TCF4: variants seen among roughly 807,000 people sequenced by gnomAD.
TCF4 encodes the protein SL3-3 enhancer factor 2.
A neutral mutation model predicts 82.1 loss-of-function variants in TCF4; 3 were observed. The ratio of observed to expected loss-of-function variants is 0.04; its 90% CI spans 0.02 to 0.09. The LOEUF is 0.09. TCF4 is among the 10% of genes least tolerant of loss of function. The pLI is 1.00. For synonymous variants in TCF4, 276 were observed against 309.6 expected (o/e 0.89, Z 1.14); for missense variants, 518 against 852.7 (o/e 0.61, Z 4.89).
rs1447151923 is a variant in TCF4, at chr18:55,234,651, C to T, written c.1383G>A (p.Leu461=). The T allele has an allele frequency of 9.3e-6, 15 of 1,614,050 alleles. No homozygotes were observed. Among genetic ancestry groups the T allele is most frequent in the African/African-American group, 1.3e-5 (1 of 74,914 alleles). ...TTGGCAGAAGAGAATGGCTGCCTCT[C>T]AGGGCCACGCCATCTTCACGATGGG... ...VGTHREDGVA[L]RGSHSLLPNQ... is the part of the protein sequence containing the mutation. The change falls in exon 16 of 20, where the codon CTG becomes CTA. Residue 461 remains leucine (L), a synonymous_variant. Coordinates refer to ENST00000354452, the MANE Select transcript of TCF4 (RefSeq NM_001083962.2).
rs2046082245 is a variant in TCF4 at position 55,223,093 on chromosome 18, A to C, written c.*4942T>G. The C allele has an allele frequency of 6.6e-6, 1 of 152,242 alleles. No individual in the cohort carries two copies. The highest frequency in any genetic ancestry group is 1.5e-5 in the Non-Finnish European group (1 of 68,040). The allele number at this position is 152,242 out of a possible 1,614,324, so 9.4% of individuals were successfully genotyped here. On this transcript the variant is annotated 3_prime_UTR_variant, in exon 20 of 20. Coordinates refer to ENST00000354452, the MANE Select transcript of TCF4 (RefSeq NM_001083962.2). ...CAACTGGTGCAAAAGGTTAAGGCTG[A>C]CTTGACTTAGCAACCTGCAGCACAA...
At chr18:55,350,548 C>T (rs1029707504) in intron 7 of TCF4, 140 bp from the exon 8 acceptor site, 14 of 897,136 alleles carry the variant, frequency 1.6e-5, no homozygotes, top group Admixed American at 8.0e-5. Flanking sequence ...CGATCACATT[C>T]GATTCTAGCA....
intron 5 of TCF4, among the ~76,000 whole-genome samples, chr18:55,457,086 T>C (rs1349404864): frequency 1.3e-5 from 2 of 152,234 alleles, no homozygotes; most frequent in African/African-American, 2.4e-5. Context: ...GGTAAAAGTA[T>C]ATGAATTGGT....
At chr18:55,594,154 T>G (rs1439064126) in intron 2 of TCF4, among the ~76,000 whole-genome samples, 1 of 152,224 alleles carries the variant, frequency 6.6e-6, no homozygotes, top group Admixed American at 6.5e-5. Context: ...TGCTGGTCTC[T>G]TAATTCTTTC....
At chr18:55,355,349 C>T (rs1433856248) in intron 6 of TCF4, among the ~76,000 whole-genome samples, 2 of 152,148 alleles carry the variant, frequency 1.3e-5, no homozygotes, top group Admixed American at 6.6e-5. Context: ...TGCACAGAAT[C>T]GGGTTTTCAA....
chr18:55,330,158 A>T (rs2077264797), intron 8 of TCF4, among the ~76,000 whole-genome samples: 1 of 151,358 alleles, frequency 6.6e-6, no homozygotes, highest in Non-Finnish European at 1.5e-5. Context: ...TGACCTTCAA[A>T]CTTGCCAGCA....
chr18:55,258,478 C>T (rs1268914788), intron 13 of TCF4, among the ~76,000 whole-genome samples: 1 of 152,110 alleles, frequency 6.6e-6, no homozygotes, highest in Non-Finnish European at 1.5e-5. Context: ...CACCATTAAT[C>T]TAGAAATGGA....
intron 5 of TCF4, among the ~76,000 whole-genome samples, chr18:55,426,138 T>C (rs903703480): frequency 2.0e-5 from 3 of 150,886 alleles, no homozygotes; most frequent in Non-Finnish European, 4.4e-5. Flanking sequence ...CACACACATA[T>C]ATTTTCATAC....
At chr18:55,526,232 T>G (rs991870821) in intron 3 of TCF4, among the ~76,000 whole-genome samples, 1 of 152,160 alleles carries the variant, frequency 6.6e-6, no homozygotes, top group African/African-American at 2.4e-5. Flanking sequence ...ACATCACACT[T>G]GCCTATCTAA....
chr18:55,565,463 G>T (rs774873980), intron 3 of TCF4, among the ~76,000 whole-genome samples: 1 of 152,172 alleles, frequency 6.6e-6, no homozygotes, highest in African/African-American at 2.4e-5. Flanking sequence ...ACTGTGATAA[G>T]AAGACTAGGA....
At chr18:55,578,427 G>A (rs1243546365) in intron 3 of TCF4, among the ~76,000 whole-genome samples, 2 of 151,902 alleles carry the variant, frequency 1.3e-5, no homozygotes, top group East Asian at 1.9e-4. Flanking sequence ...TAACCCTCCC[G>A]AACCTTGGCT....
chr18:55,502,088 T>A (rs1007351408), intron 3 of TCF4, among the ~76,000 whole-genome samples: 1 of 152,216 alleles, frequency 6.6e-6, no homozygotes, highest in African/African-American at 2.4e-5. Flanking sequence ...CTAACCAAGG[T>A]AGATATACTA....
At chr18:55,287,036 A>G (rs1424637757) in intron 8 of TCF4, among the ~76,000 whole-genome samples, 1 of 152,202 alleles carries the variant, frequency 6.6e-6, no homozygotes, top group African/African-American at 2.4e-5. Flanking sequence ...ATTCATGGTA[A>G]GAAGAGTTTT....
intron 6 of TCF4, among the ~76,000 whole-genome samples, chr18:55,403,176 G>A (rs973685481): frequency 1.1e-4 from 17 of 152,072 alleles, no homozygotes; most frequent in African/African-American, 3.4e-4. Flanking sequence ...CACTTTCACC[G>A]ACATTGCTGG....
intron 9 of TCF4, among the ~76,000 whole-genome samples, chr18:55,277,676 T>C (rs1008152575): frequency 6.6e-6 from 1 of 151,810 alleles, no homozygotes; most frequent in Non-Finnish European, 1.5e-5. Context: ...TTTTGTGTGG[T>C]CTGCTAGGGA....
chr18:55,404,079 G>A, intron 5 of TCF4: 1 of 1,098,604 alleles, frequency 9.1e-7, no homozygotes, highest in Non-Finnish European at 1.1e-6. Flanking sequence ...TTTACATTTG[G>A]GAAACAGGGC....
chr18:55,285,642 G>A (rs1311997097), intron 8 of TCF4, among the ~76,000 whole-genome samples: 1 of 152,194 alleles, frequency 6.6e-6, no homozygotes, highest in Non-Finnish European at 1.5e-5. Context: ...CACCAACACA[G>A]GACTTTCTCA....
chr18:55,516,375 G>T (rs1340607417), intron 3 of TCF4, among the ~76,000 whole-genome samples: 2 of 151,846 alleles, frequency 1.3e-5, no homozygotes, highest in African/African-American at 2.4e-5. Context: ...ATACTGTCTG[G>T]TTTTTTGGGT....
chr18:55,363,760 C>A (rs1386468309), intron 6 of TCF4, among the ~76,000 whole-genome samples: 1 of 152,068 alleles, frequency 6.6e-6, no homozygotes, highest in African/African-American at 2.4e-5. Context: ...GAACCAAGAT[C>A]TTGCCACTGC....
Sources: gnomAD v4.1 joint callset for allele counts (sites outside exome capture counted in the v4.1 genomes callset) on GRCh38, gnomAD v4.1.1 for gene constraint, MANE v1.5 for transcripts, NCBI Gene and HGNC (gene_info 2026-07-23, HGNC 2026-07-21) for gene names.